Variants in USP34 observed in about 807,000 individuals in gnomAD.
USP34 encodes ubiquitin specific peptidase 34.
Under a neutral mutation model 460.3 loss-of-function variants are expected in USP34, and 70 were observed. The observed-to-expected ratio is 0.15, with a 90% CI of 0.13 to 0.19. The LOEUF (loss-of-function observed/expected upper bound fraction) is 0.19. USP34 is among the 10% of genes least tolerant of loss of function. USP34 has a pLI of 1.00. For synonymous variants in USP34, 1,647 were observed against 1,405.3 expected (o/e 1.17, Z -3.85); for missense variants, 3,985 against 4,236.2 (o/e 0.94, Z 1.65).
intron 1 of USP34, among the ~76,000 whole-genome samples, chr2:61,462,974 A>G: frequency 6.7e-6 from 1 of 150,220 alleles, no homozygotes; most frequent in South Asian, 2.1e-4. Context: ...AAGTTATAGT[A>G]AGCAATAATC....
At chr2:61,356,714 G>A (rs1461025613) in intron 10 of USP34, among the ~76,000 whole-genome samples, 2 of 152,184 alleles carry the variant, frequency 1.3e-5, no homozygotes, top group Non-Finnish European at 2.9e-5. Context: ...AAGTTGATGA[G>A]AGGGGAAAAT....
chr2:61,413,756 T>C lies in USP34; in HGVS notation c.131+6990A>G, dbSNP rs200608189. ...ACTTTGGGAGGCCAAGGCGGGTGGA[T>C]TGCCTGAGCTCAGGAGCTCGAGCCC... is the stretch of plus-strand genomic sequence containing the variant. On this transcript the variant is annotated intron_variant, in intron 2 of 79. Transcript: ENST00000398571. Among the ~76,000 whole-genome samples the C allele has an allele frequency of 0.019, 1,993 of 103,268 alleles. No individual in the cohort carries two copies. In the Middle Eastern group the frequency reaches 0.22, roughly 11 times the overall value. 67.7% of individuals were successfully genotyped at this position (103,268 alleles called of 152,430 possible).
chr2:61,339,722 G>A, intron 16 of USP34, 41 bp from the exon 17 acceptor site: 1 of 1,089,668 alleles, frequency 9.2e-7, no homozygotes, highest in African/African-American at 1.6e-5. Context: ...ATAGAGAAAT[G>A]CAGCTGACTG....
chr2:61,188,487 A>G lies in USP34; in HGVS notation c.10256T>C (p.Val3419Ala), dbSNP rs1035706299. The change falls in exon 80 of 80, where the codon GTT becomes GCT. Residue 3419 changes from valine (V) to alanine (A), a missense_variant. Physicochemically the swap from Val to Ala is moderately conservative, Grantham distance 64. Around this residue, in one of 14 missense-constraint regions of USP34, gnomAD observed 506 missense variants for 439.0 expected, o/e 1.15. Coordinates refer to ENST00000398571, the MANE Select transcript of USP34 (RefSeq NM_014709.4). The stretch of plus-strand genomic sequence containing the variant: ...CATGTCTTCTGAAAACGAAGATGGA[A>G]CTTCCATTCGGTATTCTTTAACAGA... ...NSSVKEYRMEVPSSFSEDMSN... is the reference protein window; with the variant it reads ...NSSVKEYRMEAPSSFSEDMSN... The G allele has an allele frequency of 6.2e-7, 1 of 1,614,076 alleles. No individual in the cohort carries two copies.
At chr2:61,257,459 G>A (rs576963045) in intron 44 of USP34, 109 bp from the exon 45 acceptor site, 8 of 855,128 alleles carry the variant, frequency 9.4e-6, no homozygotes, top group African/African-American at 3.5e-5. Flanking sequence ...AATCTACTAA[G>A]TTAGTTTTAA....
At position 61,190,807 on chromosome 2, in the gene USP34, C is replaced by G. The variant is rs916787705; in HGVS notation, c.9589-149G>C. ...ACTTGAAAAGCCATGTCTAACTCAC[C>G]TATTGAATTTTTAGTTAACAGCAAC... On this transcript the variant is annotated intron_variant, in intron 76 of 79. Transcript: ENST00000398571. The G allele has an allele frequency of 6.3e-6, 6 of 954,872 alleles. No individual in the cohort carries two copies. The African/African-American group carries it at 6.6e-5, about 11-fold the overall frequency. The allele number at this position is 954,872 out of a possible 1,614,324, so 59.1% of individuals were successfully genotyped here. A position where few individuals can be genotyped will look rare whatever the true frequency, so the allele number is the denominator to read the frequency against.
At chr2:61,232,574 T>C in intron 57 of USP34, 42 bp from the exon 58 acceptor site, 2 of 1,452,560 alleles carry the variant, frequency 1.4e-6, no homozygotes, top group Non-Finnish European at 1.9e-6. Context: ...ATTCAACAAA[T>C]ATTTGTTACA....
At chr2:61,419,237 T>G (rs574797425) in intron 2 of USP34, among the ~76,000 whole-genome samples, 7 of 152,036 alleles carry the variant, frequency 4.6e-5, no homozygotes, top group Admixed American at 2.6e-4. Context: ...CCCAGGCTGG[T>G]CTCGAACTCC....
chr2:61,210,734 T>C (rs1214296486), intron 69 of USP34, among the ~76,000 whole-genome samples: 2 of 152,164 alleles, frequency 1.3e-5, no homozygotes, highest in East Asian at 3.9e-4. Flanking sequence ...TTTTCTTTTT[T>C]TGAGACTCGC....
intron 41 of USP34, among the ~76,000 whole-genome samples, chr2:61,274,611 G>T (rs72886811): frequency 8.3e-4 from 126 of 152,284 alleles, no homozygotes; most frequent in African/African-American, 2.8e-3. Context: ...TTGAAGGGAA[G>T]TTCAGCCTTA....
intron 65 of USP34, 69 bp downstream of exon 65, chr2:61,222,550 G>T: frequency 1.6e-6 from 2 of 1,268,416 alleles, no homozygotes; most frequent in South Asian, 1.3e-5. Context: ...AGAACAATTA[G>T]GCTCATTTGA....
chr2:61,349,284 CTCTGAAGGAA>C lies in USP34; in HGVS notation c.1508-9_1508del. 6.2e-7 allele frequency: 1 copy of C among 1,613,074 alleles called. No individual in the cohort carries two copies. Among genetic ancestry groups the C allele is most frequent in the Non-Finnish European group, 8.5e-7 (1 of 1,179,660 alleles). On this transcript the variant is annotated splice_acceptor_variant and splice_polypyrimidine_tract_variant and coding_sequence_variant and intron_variant, in exon 13 of 80. Transcript: ENST00000398571. LOFTEE classifies it high-confidence loss of function. ...GAGCTGTTCTTCTAAGCTCTTCTTC[CTCTGAAGGAA>C]AAGGAAAAAACAGGAGAAAAACATT...
In USP34 at chr2:61,352,750, T is replaced by C. The variant is rs373360495; in HGVS notation, c.1252-2057A>G. The stretch of plus-strand genomic sequence containing the variant: ...TTCCACAGTACACAAAAAATATTAT[T>C]AAGAATGCGTGGTGGTGGCAGCAGC... On this transcript the variant is annotated intron_variant, in intron 10 of 79. Coordinates refer to ENST00000398571, the MANE Select transcript of USP34 (RefSeq NM_014709.4). Among the ~76,000 whole-genome samples, 13 of 150,228 alleles carry C rather than the reference T, an allele frequency of 8.7e-5. No homozygotes were observed. In the East Asian group the frequency reaches 2.1e-3, roughly 25 times the overall value.
intron 42 of USP34, 34 bp from the exon 43 acceptor site, chr2:61,265,591 CA>C (rs1558499166): frequency 1.3e-6 from 2 of 1,569,798 alleles, no homozygotes; most frequent in African/African-American, 1.4e-5. Flanking sequence ...AGATCCCCCC[CA>C]AACAAACTAT....
chr2:61,273,505 T>C (rs970903073), intron 41 of USP34, among the ~76,000 whole-genome samples: 1 of 152,046 alleles, frequency 6.6e-6, no homozygotes, highest in African/African-American at 2.4e-5. Flanking sequence ...AATCACCTGA[T>C]GTCAGGAGTT....
At chr2:61,259,582 C>CA in intron 44 of USP34, 129 bp downstream of exon 44, 1 of 669,640 alleles carries the variant, frequency 1.5e-6, no homozygotes, top group Admixed American at 2.8e-5. Flanking sequence ...GATGGGGTTT[C>CA]ACCATGTTGC....
In USP34 at chr2:61,194,877, C is replaced by T. The variant is rs555527978; in HGVS notation, c.9509-1897G>A. ...CTGACGCAGGAGAATTGCTTGAACG[C>T]GGCAGGCGGAGGTTGCGGTGAGCCG... On this transcript the variant is annotated intron_variant, in intron 75 of 79. Coordinates refer to ENST00000398571, the MANE Select transcript of USP34 (RefSeq NM_014709.4). 2.7e-5 allele frequency among the ~76,000 whole-genome samples: 4 copies of T among 150,812 alleles called. No individual in the cohort carries two copies. The South Asian group carries it at 6.3e-4, about 24-fold the overall frequency.
chr2:61,198,630 G>A (rs1686880012), intron 75 of USP34, among the ~76,000 whole-genome samples: 1 of 151,842 alleles, frequency 6.6e-6, no homozygotes, highest in African/African-American at 2.4e-5. Flanking sequence ...CAGCACTTTG[G>A]GAGGCAGAGG....
At chr2:61,295,805 T>C (rs1470108053) in intron 30 of USP34, among the ~76,000 whole-genome samples, 2 of 152,244 alleles carry the variant, frequency 1.3e-5, no homozygotes, top group Non-Finnish European at 2.9e-5. Context: ...GCCCATCTTC[T>C]TCACTTCCAA....
Sources: allele counts gnomAD v4.1 joint callset (sites outside exome capture counted in the v4.1 genomes callset), GRCh38; gene constraint gnomAD v4.1.1; regional missense constraint gnomAD v4.1.1; transcripts MANE v1.5; gene names NCBI Gene and HGNC (gene_info 2026-07-23, HGNC 2026-07-21).